GTF3C1: variants seen among roughly 807,000 people sequenced by gnomAD.
GTF3C1 encodes general transcription factor IIIC subunit 1.
A neutral mutation model predicts 226.7 loss-of-function variants in GTF3C1; 57 were observed. The observed-to-expected ratio is 0.25, with a 90% CI of 0.20 to 0.31. GTF3C1 has a LOEUF of 0.31. GTF3C1 is among the 10% of genes least tolerant of loss of function. The pLI is 1.00. For missense variants in GTF3C1, 2,217 were observed against 2,776.1 expected, an observed-to-expected ratio of 0.80 and a Z score of 4.53; for synonymous variants, 1,090 against 1,084.8, an observed-to-expected ratio of 1.00 and a Z score of -0.09.
chr16:27,462,379 A>G lies in GTF3C1; in HGVS notation c.6032T>C (p.Met2011Thr). Residue 2011 changes from methionine (M) to threonine (T), a missense_variant, in exon 36 of 37, where the codon ATG becomes ACG. Physicochemically the swap from Met to Thr is moderately conservative, Grantham distance 81. Coordinates refer to ENST00000356183, the MANE Select transcript of GTF3C1 (RefSeq NM_001520.4). The surrounding 1 kb of genome is among the most constrained non-coding windows in gnomAD (Gnocchi z 4.5). The part of the protein sequence containing the change: ...GMMEAMLYHI[M>T]TRPGIPESSL... The stretch of plus-strand genomic sequence containing the variant: ...GCTCTCGGGGATGCCAGGCCTGGTC[A>G]TGATGTGGTACAGCATGGCCTCCAT... 1 of 1,604,692 alleles carries G rather than the reference A, an allele frequency of 6.2e-7. No individual in the cohort carries two copies. Among genetic ancestry groups the G allele is most frequent in the Non-Finnish European group, 8.5e-7 (1 of 1,175,680 alleles).
rs1359829611 is a variant in GTF3C1 at position 27,464,800 on chromosome 16, C to T, written c.5392G>A (p.Gly1798Ser). The stretch of plus-strand genomic sequence containing the variant: ...ATGGCTACCAGGCGCGCAGTGTTGC[C>T]ACCGACCTCCAGCACCTGATGCTGC... ...LEQHQVLEVG[G>S]NTARLVAMGS... Residue 1798 changes from glycine (G) to serine (S), a missense_variant, in exon 34 of 37, where the codon GGC becomes AGC. Gly to Ser is a moderately conservative substitution (Grantham distance 56). Coordinates refer to ENST00000356183, the MANE Select transcript of GTF3C1 (RefSeq NM_001520.4). The T allele has an allele frequency of 5.9e-6, 9 of 1,527,410 alleles. No individual in the cohort carries two copies. The highest frequency in any genetic ancestry group is 7.8e-6 in the Non-Finnish European group (9 of 1,148,574). 94.6% of individuals were successfully genotyped at this position (1,527,410 alleles called of 1,614,324 possible). A position where few individuals can be genotyped will look rare whatever the true frequency, so the allele number is the denominator to read the frequency against.
Position 27,461,616 on chromosome 16 carries a change from ATTT to A in GTF3C1, c.6118-57_6118-55del. 7.4e-7 allele frequency: 1 copy of A among 1,343,366 alleles called. No homozygotes were observed. Among genetic ancestry groups the A allele is most frequent in the Non-Finnish European group, 1.1e-6 (1 of 942,264 alleles). 83.2% of individuals were successfully genotyped at this position (1,343,366 alleles called of 1,614,324 possible). ...CGGCACTGCCCTCGCCTGCTTGTTG[ATTT>A]ATTCTTCAAGCATTTATGGAATGCC... On this transcript the variant is annotated intron_variant, in intron 36 of 36. Coordinates refer to ENST00000356183, the MANE Select transcript of GTF3C1 (RefSeq NM_001520.4). The surrounding 1 kb of genome is among the most constrained non-coding windows in gnomAD (Gnocchi z 5.3).
intron 27 of GTF3C1, 84 bp downstream of exon 27, chr16:27,480,995 C>T (rs1016032649): frequency 1.4e-5 from 16 of 1,135,508 alleles, no homozygotes; most frequent in South Asian, 1.4e-4. Context: ...GTGCGCTTCC[C>T]GGACCTGCTG....
chr16:27,494,130 A>G (rs929597538), intron 16 of GTF3C1, among the ~76,000 whole-genome samples: 2 of 152,154 alleles, frequency 1.3e-5, no homozygotes, highest in African/African-American at 4.8e-5. Flanking sequence ...GGTCGGGTGC[A>G]ATGGCTCACG....
At position 27,465,552 on chromosome 16, in the gene GTF3C1, CAG is replaced by C. The variant is rs777501515; in HGVS notation, c.5075-14_5075-13del. 3.8e-6 allele frequency: 6 copies of C among 1,590,742 alleles called. No individual in the cohort carries two copies. The highest frequency in any genetic ancestry group is 1.3e-5 in the African/African-American group (1 of 74,666). ...TTCCAGAGGAGCGGCTGTGGGGACA[CAG>C]AGGAAGATCAGAGGCAGCCCGACAG... On this transcript the variant is annotated splice_polypyrimidine_tract_variant and intron_variant, in intron 32 of 36. Coordinates refer to ENST00000356183, the MANE Select transcript of GTF3C1 (RefSeq NM_001520.4).
Position 27,507,185 on chromosome 16 carries a change from C to CTT in GTF3C1, c.1243-30_1243-29insAA. On this transcript the variant is annotated intron_variant, in intron 8 of 36. Coordinates refer to ENST00000356183, the MANE Select transcript of GTF3C1 (RefSeq NM_001520.4). This position sits in a 1 kb window ranked among gnomAD's most constrained non-coding sequence, Gnocchi z 4.9. ...GAGGGAATAAGATGTGTTTATCCCA[C>CTT]TGCAAAGAGGGCGTCATACCCACAG... 1 of 1,533,362 alleles carries CTT rather than the reference C, an allele frequency of 6.5e-7. No homozygotes were observed. The highest frequency in any genetic ancestry group is 8.9e-7 in the Non-Finnish European group (1 of 1,124,806). 95.0% of individuals were successfully genotyped at this position (1,533,362 alleles called of 1,614,324 possible). A position where few individuals can be genotyped will look rare whatever the true frequency, so the allele number is the denominator to read the frequency against.
Position 27,471,944 on chromosome 16 carries a change from G to T in GTF3C1, c.4354-24C>A, listed in dbSNP as rs767121848. On this transcript the variant is annotated intron_variant, in intron 29 of 36. Coordinates refer to ENST00000356183, the MANE Select transcript of GTF3C1 (RefSeq NM_001520.4). The surrounding 1 kb of genome is among the most constrained non-coding windows in gnomAD (Gnocchi z 5.0). ...GTCTGCAACACAGGGCGGCGAGGGT[G>T]AGTAGGGTTCTCCAGCCGGCCACGG... The T allele has an allele frequency of 6.2e-7, 1 of 1,610,900 alleles. No individual in the cohort carries two copies. The highest frequency in any genetic ancestry group is 8.5e-7 in the Non-Finnish European group (1 of 1,177,342).
rs554295620 is a variant in GTF3C1 at position 27,549,763 on chromosome 16, G to A, written c.128C>T (p.Thr43Met). The change falls in exon 1 of 37, where the codon ACG becomes ATG. Residue 43 changes from threonine to methionine, a missense_variant. Physicochemically the swap from Thr to Met is moderately conservative, Grantham distance 81. Coordinates refer to ENST00000356183, the MANE Select transcript of GTF3C1 (RefSeq NM_001520.4). ...PPFPLPLEPC[T>M]QEFLWRALAT... ...GAGGGCCCGCCAGAGAAACTCCTGC[G>A]TGCAGGGTTCCAAAGGCAGCGGGAA... is the stretch of plus-strand genomic sequence containing the variant. 9.9e-6 allele frequency: 16 copies of A among 1,612,780 alleles called. No homozygotes were observed. In the African/African-American group the frequency reaches 1.1e-4, roughly 11 times the overall value.
At chr16:27,505,796 CG>C in intron 10 of GTF3C1, 102 bp downstream of exon 10, 1 of 738,444 alleles carries the variant, frequency 1.4e-6, no homozygotes, top group Non-Finnish European at 2.4e-6. Context: ...GCAGCACTCT[CG>C]CTGTGGATGA....
chr16:27,543,102 T>C (rs1368625828), intron 2 of GTF3C1, among the ~76,000 whole-genome samples: 1 of 152,184 alleles, frequency 6.6e-6, no homozygotes, highest in African/African-American at 2.4e-5. Flanking sequence ...TGTGTCTTTC[T>C]TGACCAGGCA....
chr16:27,506,695 C>A, intron 9 of GTF3C1, 152 bp downstream of exon 9: 1 of 594,422 alleles, frequency 1.7e-6, no homozygotes, highest in Non-Finnish European at 3.0e-6. Flanking sequence ...TCCTCCAAAC[C>A]CATGATGATG....
intron 3 of GTF3C1, 67 bp downstream of exon 3, chr16:27,538,113 C>T: frequency 7.9e-7 from 1 of 1,270,110 alleles, no homozygotes; most frequent in Non-Finnish European, 1.1e-6. Context: ...ACAGCAGGCC[C>T]CTGCATTTGG....
chr16:27,508,673 C>G lies in GTF3C1; in HGVS notation c.1127-18G>C. On this transcript the variant is annotated intron_variant, in intron 7 of 36. Transcript: ENST00000356183. ...GCGCTCAACTGTGAGAAACAATACA[C>G]GTGAACCCAAACCGCTGCAAAGGAG... 1 of 1,582,820 alleles carries G rather than the reference C, an allele frequency of 6.3e-7. No individual in the cohort carries two copies. The highest frequency in any genetic ancestry group is 8.7e-7 in the Non-Finnish European group (1 of 1,151,876).
intron 5 of GTF3C1, among the ~76,000 whole-genome samples, chr16:27,530,851 A>C (rs572594243): frequency 1.3e-5 from 2 of 152,336 alleles, no homozygotes; most frequent in South Asian, 4.1e-4. Context: ...GCGCTGCCTC[A>C]GTGAGCAGCA....
chr16:27,493,980 T>A (rs2088272031), intron 16 of GTF3C1, among the ~76,000 whole-genome samples: 1 of 152,058 alleles, frequency 6.6e-6, no homozygotes, highest in African/African-American at 2.4e-5. Context: ...CATACAAGTA[T>A]GGCATAGCAA....
intron 14 of GTF3C1, among the ~76,000 whole-genome samples, chr16:27,496,176 C>A (rs2088313667): frequency 6.6e-6 from 1 of 152,134 alleles, no homozygotes; most frequent in Non-Finnish European, 1.5e-5. Flanking sequence ...CACCTTCTGT[C>A]ATGGCTGGAA....
intron 6 of GTF3C1, among the ~76,000 whole-genome samples, chr16:27,512,485 T>A (rs1409188243): frequency 6.6e-6 from 1 of 152,180 alleles, no homozygotes; most frequent in Admixed American, 6.5e-5. Flanking sequence ...CTATCAGTAC[T>A]AATAGATCTA....
At chr16:27,543,229 T>C (rs180996667) in intron 2 of GTF3C1, among the ~76,000 whole-genome samples, 165 of 152,116 alleles carry the variant, frequency 1.1e-3, no homozygotes, top group Non-Finnish European at 2.0e-3. Flanking sequence ...CTACTAAAAA[T>C]ACAAAAATAA....
chr16:27,485,075 A>G (rs1177731618), intron 24 of GTF3C1, among the ~76,000 whole-genome samples: 1 of 152,250 alleles, frequency 6.6e-6, no homozygotes, highest in African/African-American at 2.4e-5. Context: ...GGATGGCAAC[A>G]TGTCACCTTT....
Sources: gnomAD v4.1 joint callset for allele counts (sites outside exome capture counted in the v4.1 genomes callset) on GRCh38, gnomAD v4.1.1 for gene constraint, Gnocchi (gnomAD v3.1) non-coding constraint, MANE v1.5 for transcripts, NCBI Gene and HGNC (gene_info 2026-07-23, HGNC 2026-07-21) for gene names.